DDC: variants seen among roughly 807,000 people sequenced by gnomAD.
DDC encodes aromatic-L-amino-acid decarboxylase.
A neutral mutation model predicts 60.0 loss-of-function variants in DDC; 43 were observed. That is an observed-to-expected ratio of 0.72 (90% CI 0.56 to 0.92). The LOEUF (loss-of-function observed/expected upper bound fraction) is 0.92. Ranked by LOEUF, DDC falls within the 40% of genes least tolerant of loss-of-function variation. The pLI, the probability that DDC is intolerant of heterozygous loss-of-function variation, is 0.00. For missense variants in DDC, 573 were observed against 620.2 expected (o/e 0.92, Z 0.81); for synonymous variants, 232 against 234.6 (o/e 0.99, Z 0.10).
At chr7:50,561,468 G>C (rs1230133691) in intron 1 of DDC, among the ~76,000 whole-genome samples, 2 of 152,196 alleles carry the variant, frequency 1.3e-5, no homozygotes, top group African/African-American at 4.8e-5. Context: ...TTAGGACCCT[G>C]TGATACCCGG....
intron 5 of DDC, 96 bp from the exon 6 acceptor site, chr7:50,528,376 C>T: frequency 6.7e-7 from 1 of 1,502,588 alleles, no homozygotes; most frequent in African/African-American, 1.4e-5. Context: ...ATTGCAAACA[C>T]AAGGTCCCTC....
intron 11 of DDC, among the ~76,000 whole-genome samples, chr7:50,471,574 C>T (rs1050407383): frequency 5.3e-5 from 8 of 152,050 alleles, no homozygotes; most frequent in Non-Finnish European, 1.2e-4. Context: ...AGGCCCTGCC[C>T]GGTGTGTTGA....
chr7:50,462,181 C>T (rs1247014266), intron 14 of DDC, among the ~76,000 whole-genome samples: 4 of 141,620 alleles, frequency 2.8e-5, no homozygotes, highest in Admixed American at 7.4e-5. Flanking sequence ...AGAAGCAGAC[C>T]CTAAGGAGGG....
At chr7:50,489,100 A>G (rs1901313) in intron 9 of DDC, among the ~76,000 whole-genome samples, 83,786 of 151,980 alleles carry the variant, frequency 0.55, 23,283 homozygotes, top group Admixed American at 0.62. Flanking sequence ...TCTGCCTCCC[A>G]GGTTCCAGCA....
chr7:50,506,045 TGTG>T (rs1291171234), intron 6 of DDC, among the ~76,000 whole-genome samples: 1 of 152,160 alleles, frequency 6.6e-6, no homozygotes, highest in Non-Finnish European at 1.5e-5. Context: ...GGGCCTGTGT[TGTG>T]GTTTCCACAG....
At position 50,539,508 on chromosome 7, in the gene DDC, A is replaced by G. The variant is rs1466163; in HGVS notation, c.315+407T>C. 0.9 allele frequency among the ~76,000 whole-genome samples: 137,652 copies of G among 152,236 alleles called. 62,302 individuals are homozygous for G. The highest frequency in any genetic ancestry group is 1 in the East Asian group (5,151 of 5,166). On this transcript the variant is annotated intron_variant, in intron 3 of 14. Transcript: ENST00000444124. The stretch of plus-strand genomic sequence containing the variant: ...GATAGGCTGGTTGGAGCCTCTCCCC[A>G]GGCAGCAGCCCTGGTGGAGAACAGA...
At chr7:50,509,042 A>T (rs1406491101) in intron 6 of DDC, among the ~76,000 whole-genome samples, 1 of 152,014 alleles carries the variant, frequency 6.6e-6, no homozygotes, top group African/African-American at 2.4e-5. Flanking sequence ...TAGGAAGTTT[A>T]TTTGCGCCCT....
chr7:50,542,645 A>C (rs1386318497), intron 2 of DDC: 1 of 152,316 alleles, frequency 6.6e-6, no homozygotes, highest in Non-Finnish European at 1.5e-5. Flanking sequence ...AAAGACTTCA[A>C]ATCCTCCCTT....
At chr7:50,514,677 T>A (rs979246328) in intron 6 of DDC, among the ~76,000 whole-genome samples, 8 of 152,028 alleles carry the variant, frequency 5.3e-5, no homozygotes, top group African/African-American at 1.9e-4. Flanking sequence ...CTTTTAGAAA[T>A]GTGGAATGCT....
chr7:50,475,755 TCTC>T (rs1468332664), intron 11 of DDC, among the ~76,000 whole-genome samples: 1 of 151,820 alleles, frequency 6.6e-6, no homozygotes, highest in South Asian at 2.1e-4. Context: ...AGTGGCATGA[TCTC>T]GGCTCACTGC....
At chr7:50,531,929 C>T (rs1344035822) in intron 4 of DDC, 1 of 152,158 alleles carries the variant, frequency 6.6e-6, no homozygotes, top group Non-Finnish European at 1.5e-5. Flanking sequence ...CTGCTGATGC[C>T]GTGAGCAGAA....
At chr7:50,536,380 G>A (rs1387237153) in intron 4 of DDC, among the ~76,000 whole-genome samples, 1 of 152,172 alleles carries the variant, frequency 6.6e-6, no homozygotes, top group Non-Finnish European at 1.5e-5. Flanking sequence ...ATGTAGTCAG[G>A]ATCTCTTGAG....
chr7:50,564,691 G>C (rs1021695435), intron 1 of DDC, among the ~76,000 whole-genome samples: 1 of 152,176 alleles, frequency 6.6e-6, no homozygotes, highest in Non-Finnish European at 1.5e-5. Context: ...TTTCAGATGG[G>C]AATTGTACTC....
At chr7:50,526,908 G>C (rs2044051317) in intron 6 of DDC, among the ~76,000 whole-genome samples, 1 of 152,124 alleles carries the variant, frequency 6.6e-6, no homozygotes, top group Admixed American at 6.5e-5. Context: ...TCATTCACCA[G>C]GGAGATATGA....
At chr7:50,534,259 C>T (rs1486755695) in intron 4 of DDC, among the ~76,000 whole-genome samples, 2 of 152,210 alleles carry the variant, frequency 1.3e-5, no homozygotes, top group African/African-American at 4.8e-5. Context: ...TTTGCAGAGC[C>T]TTCTGACCTT....
intron 6 of DDC, among the ~76,000 whole-genome samples, chr7:50,514,738 G>A (rs750674636): frequency 1.1e-4 from 16 of 152,044 alleles, no homozygotes; most frequent in Non-Finnish European, 2.1e-4. Flanking sequence ...GAAATTCAGA[G>A]CTTGAAACTT....
intron 1 of DDC, among the ~76,000 whole-genome samples, chr7:50,564,987 A>G (rs924097360): frequency 2.6e-5 from 4 of 152,182 alleles, no homozygotes; most frequent in Non-Finnish European, 5.9e-5. Context: ...TGGTGCATGG[A>G]AAAAATAGAA....
At chr7:50,464,189 C>T (rs2042345551) in intron 13 of DDC, among the ~76,000 whole-genome samples, 1 of 152,084 alleles carries the variant, frequency 6.6e-6, no homozygotes, top group South Asian at 2.1e-4. Context: ...ATCCTAGTCA[C>T]CCAAACCTCA....
At chr7:50,550,554 G>A (rs762332215) in intron 1 of DDC, among the ~76,000 whole-genome samples, 1 of 152,186 alleles carries the variant, frequency 6.6e-6, no homozygotes, top group Non-Finnish European at 1.5e-5. Flanking sequence ...GCCTCAGGAA[G>A]TCCTTATGAC....
Sources: gnomAD v4.1 joint callset for allele counts (sites outside exome capture counted in the v4.1 genomes callset) on GRCh38, gnomAD v4.1.1 for gene constraint, MANE v1.5 for transcripts, NCBI Gene and HGNC (gene_info 2026-07-23, HGNC 2026-07-21) for gene names.